Variants in GPR179 observed in about 807,000 individuals in gnomAD.
The protein encoded by GPR179 is probable G protein-coupled receptor 179.
A neutral mutation model predicts 70.8 loss-of-function variants in GPR179; 52 were observed. The ratio of observed to expected loss-of-function variants is 0.73; its 90% CI spans 0.59 to 0.93. The LOEUF (loss-of-function observed/expected upper bound fraction) is 0.93. Among genes scored for constraint, GPR179 ranks in the 40% least tolerant of loss-of-function variants. The pLI is 0.00. For synonymous variants in GPR179, 1,123 were observed against 1,169.0 expected (o/e 0.96, Z 0.80); for missense variants, 2,734 against 2,966.8 (o/e 0.92, Z 1.82).
chr17:38,335,095 G>T lies in GPR179; in HGVS notation c.1583C>A (p.Thr528Asn), dbSNP rs771909578. The change falls in exon 7 of 11, where the codon ACT (threonine) becomes AAT (asparagine). Residue 528 changes from threonine to asparagine, a missense_variant. By Grantham distance (65) the Thr-to-Asn change is moderately conservative (BLOSUM62 0). Coordinates refer to ENST00000616987, the MANE Select transcript of GPR179 (RefSeq NM_001004334.4). ...GAGGTAGAAATGGCGGCCACTGGGA[G>T]TGTGGCCTCGGATCACCAGAGGTGC... Reference protein sequence around the residue: ...QHAPLVIRGHTPSGRHFYLCH... With the variant: ...QHAPLVIRGHNPSGRHFYLCH... 1.1e-5 allele frequency: 17 copies of T among 1,612,822 alleles called. No homozygotes were observed. In the South Asian group the frequency reaches 1.2e-4, roughly 11 times the overall value.
chr17:38,333,158 A>T, intron 10 of GPR179, 93 bp downstream of exon 10: 1 of 1,130,136 alleles, frequency 8.8e-7, no homozygotes, highest in African/African-American at 1.5e-5. Context: ...GAGGACTTGC[A>T]GTGGCACATA....
rs376804518 is a variant in GPR179, at chr17:38,337,105, A to G, written c.1100T>C (p.Met367Thr). The G allele has an allele frequency of 3.8e-5, 61 of 1,611,584 alleles. 1 individual carries two copies. Among genetic ancestry groups the G allele is most frequent in the Middle Eastern group, 1.6e-4 (1 of 6,074 alleles). ...TTCCACCAGGCACGGTGTGGCATCC[A>G]TGCAGCTGGTGCAGCCCTCAGGACA... ...LPCPEGCTSCMDATPCLVEEA... is the reference protein window; with the variant it reads ...LPCPEGCTSCTDATPCLVEEA... Residue 367 changes from methionine to threonine, a missense_variant, in exon 4 of 11, where the codon ATG (methionine) becomes ACG (threonine). By Grantham distance (81) the Met-to-Thr change is moderately conservative. Transcript: ENST00000616987.
rs368426715 is a variant in GPR179 at position 38,326,534 on chromosome 17, G to A, written c.7035C>T (p.Gly2345=). 1.1e-4 allele frequency: 183 copies of A among 1,614,000 alleles called. No individual in the cohort carries two copies. The highest frequency in any genetic ancestry group is 3.7e-4 in the Admixed American group (22 of 59,992). The change falls in exon 11 of 11, where the codon GGC becomes GGT. Residue 2345 remains glycine, a synonymous_variant. Coordinates refer to ENST00000616987, the MANE Select transcript of GPR179 (RefSeq NM_001004334.4). ...SQSSSLTEDS[G]QVAFEAQYEE... ...CATACTGAGCTTCAAAAGCCACTTG[G>A]CCTGAGTCTTCAGTTAAGGACGAAG...
intron 1 of GPR179, among the ~76,000 whole-genome samples, chr17:38,339,849 C>T (rs2037435532): frequency 6.6e-6 from 1 of 152,210 alleles, no homozygotes; most frequent in African/African-American, 2.4e-5. Flanking sequence ...TCTCATCTTC[C>T]CCTGCCTTTC....
In GPR179 at chr17:38,330,313, T is replaced by A. The variant is rs371537306; in HGVS notation, c.3256A>T (p.Ser1086Cys). Residue 1086 changes from serine (S) to cysteine (C), a missense_variant, in exon 11 of 11, where the codon AGC (serine) becomes TGC (cysteine). Physicochemically the swap from Ser to Cys is moderately radical, Grantham distance 112. Transcript: ENST00000616987. The part of the protein sequence containing the change: ...KAPVQQGSMR[S>C]LGLAIKALTR... ...AGAGCTTTAATCGCCAGCCCCAGGC[T>A]GCGCATGGAACCCTGCTGAACAGGG... 6.2e-7 allele frequency: 1 copy of A among 1,613,360 alleles called. No homozygotes were observed. Among genetic ancestry groups the A allele is most frequent in the Middle Eastern group, 1.6e-4 (1 of 6,062 alleles).
intron 2 of GPR179, 83 bp from the exon 3 acceptor site, chr17:38,337,803 A>C (rs1166237749): frequency 1.7e-6 from 2 of 1,180,682 alleles, no homozygotes; most frequent in Non-Finnish European, 1.2e-6. Context: ...TGGAGGGTCC[A>C]TCTACCTCCC....
rs373731064 is a variant in GPR179, at chr17:38,336,942, C to T, written c.1227+36G>A. The T allele has an allele frequency of 6.0e-5, 93 of 1,543,984 alleles. No individual in the cohort carries two copies. The Middle Eastern group carries it at 8.6e-4, about 14-fold the overall frequency. ...TCTCAGGCCTCCAGTTGAGATGGGT[C>T]GGACATGTGTGTAGGAGGTGTGGGG... On this transcript the variant is annotated intron_variant, in intron 4 of 10. Coordinates refer to ENST00000616987, the MANE Select transcript of GPR179 (RefSeq NM_001004334.4).
chr17:38,326,508 T>C lies in GPR179; in HGVS notation c.7061A>G (p.Glu2354Gly). 1 of 1,613,608 alleles carries C rather than the reference T, an allele frequency of 6.2e-7. No homozygotes were observed. The highest frequency in any genetic ancestry group is 8.5e-7 in the Non-Finnish European group (1 of 1,179,576). Residue 2354 changes from glutamate to glycine, a missense_variant, in exon 11 of 11, where the codon GAA becomes GGA. Coordinates refer to ENST00000616987, the MANE Select transcript of GPR179 (RefSeq NM_001004334.4). The part of the protein sequence containing the change: ...SGQVAFEAQY[E>G]EFTPPTVYPW... ...ATAGACAGTGGGAGGGGTGAATTCT[T>C]CATACTGAGCTTCAAAAGCCACTTG...
In GPR179 at chr17:38,337,636, C is replaced by A. The variant is rs377272094; in HGVS notation, c.988G>T (p.Gly330Trp). The A allele has an allele frequency of 1.9e-6, 3 of 1,608,450 alleles. No homozygotes were observed. Among genetic ancestry groups the A allele is most frequent in the African/African-American group, 1.3e-5 (1 of 74,626 alleles). The change falls in exon 3 of 11, where the codon GGG (glycine) becomes TGG (tryptophan). Residue 330 changes from glycine to tryptophan, a missense_variant. Coordinates refer to ENST00000616987, the MANE Select transcript of GPR179 (RefSeq NM_001004334.4). ...RPGFYGASPS[G>W]GLEESDFQTT... ...GGCCCCCACCACACTTACATACCCCCAGAGGGGCTTGCCCCGTAGAATCCA... is the reference window on the plus strand; with the variant it reads ...GGCCCCCACCACACTTACATACCCCAAGAGGGGCTTGCCCCGTAGAATCCA...
Position 38,330,310 on chromosome 17 carries a change from G to T in GPR179, c.3259C>A (p.Leu1087Met), listed in dbSNP as rs369154799. 43 of 1,613,188 alleles carry T rather than the reference G, an allele frequency of 2.7e-5. No homozygotes were observed. The highest frequency in any genetic ancestry group is 3.6e-5 in the Non-Finnish European group (42 of 1,179,554). ...APVQQGSMRSLGLAIKALTRS... is the reference protein window; with the variant it reads ...APVQQGSMRSMGLAIKALTRS... ...GTCAGAGCTTTAATCGCCAGCCCCA[G>T]GCTGCGCATGGAACCCTGCTGAACA... Residue 1087 changes from leucine (L) to methionine (M), a missense_variant, in exon 11 of 11, where the codon CTG becomes ATG. Coordinates refer to ENST00000616987, the MANE Select transcript of GPR179 (RefSeq NM_001004334.4).
chr17:38,337,423 C>G (rs548224469), intron 3 of GPR179, among the ~76,000 whole-genome samples: 13 of 152,276 alleles, frequency 8.5e-5, no homozygotes, highest in African/African-American at 3.1e-4. Flanking sequence ...CAACTTGCAT[C>G]ATATTTGCAT....
rs1241272883 is a variant in GPR179 at position 38,329,853 on chromosome 17, C to A, written c.3716G>T (p.Arg1239Met). 1 of 1,614,122 alleles carries A rather than the reference C, an allele frequency of 6.2e-7. No homozygotes were observed. The highest frequency in any genetic ancestry group is 1.7e-5 in the Admixed American group (1 of 60,028). ...CTCCCAGGGGCATACCTCTGCCACC[C>A]TGTGGTCAGCGCTGCCCAGGGACTG... ...GLQSLGSADH[R>M]VAEVCPWEVT... is the part of the protein sequence containing the mutation. The change falls in exon 11 of 11, where the codon AGG becomes ATG. Residue 1239 changes from arginine to methionine, a missense_variant. Arg to Met is a moderately conservative substitution (Grantham distance 91). Coordinates refer to ENST00000616987, the MANE Select transcript of GPR179 (RefSeq NM_001004334.4).
chr17:38,342,891 G>C, intron 1 of GPR179, 105 bp downstream of exon 1: 1 of 1,081,006 alleles, frequency 9.3e-7, no homozygotes, highest in East Asian at 2.4e-5. Context: ...TGCCCCCCAG[G>C]CATGCACATG....
Position 38,330,726 on chromosome 17 carries a change from A to G in GPR179, c.2843T>C (p.Leu948Pro), listed in dbSNP as rs2037347826. 6.3e-7 allele frequency: 1 copy of G among 1,589,650 alleles called. No individual in the cohort carries two copies. The part of the protein sequence containing the change: ...STPILALSGG[L>P]GEPRMLSPTS... The stretch of plus-strand genomic sequence containing the variant: ...GGGAGATAGCATCCTTGGCTCTCCC[A>G]GGCCCCCAGACAGGGCCAAGATGGG... The change falls in exon 11 of 11, where the codon CTG (leucine) becomes CCG (proline). Residue 948 changes from leucine to proline, a missense_variant. Transcript: ENST00000616987.
In GPR179 at chr17:38,326,749, G is replaced by A. The variant is rs773338428; in HGVS notation, c.6820C>T (p.Pro2274Ser). ...GGCCCATGGACTAAAAGGCATAGTG[G>A]TTTTTCAGGAGCTGTGGGGAAAAAT... ...REFFPTAPEK[P>S]LCLLVHGPLD... Residue 2274 changes from proline to serine, a missense_variant, in exon 11 of 11, where the codon CCA (proline) becomes TCA (serine). Transcript: ENST00000616987. The A allele has an allele frequency of 6.2e-7, 1 of 1,614,234 alleles. No individual in the cohort carries two copies. Among genetic ancestry groups the A allele is most frequent in the Admixed American group, 1.7e-5 (1 of 60,028 alleles).
In GPR179 at chr17:38,343,117, G is replaced by A. The variant is rs747682469; in HGVS notation, c.673C>T (p.Gln225Ter). The part of the protein sequence containing the change: ...PQADGYVGDT[Q>*]QVRLSPPFLE... Reference sequence around the variant, plus strand: ...AAAGGAGGAGACAGCCTCACCTGCTGCGTGTCCCCCACATATCCATCTGCC... The same window carrying A: ...AAAGGAGGAGACAGCCTCACCTGCTACGTGTCCCCCACATATCCATCTGCC... Residue 225 changes from glutamine (Q) to a stop codon, truncating the protein, a stop_gained, in exon 1 of 11, where the codon CAG (glutamine) becomes TAG (stop). Transcript: ENST00000616987. LOFTEE classifies it high-confidence loss of function. The surrounding 1 kb of genome is among the most constrained non-coding windows in gnomAD (Gnocchi z 4.2). The A allele has an allele frequency of 4.0e-5, 65 of 1,614,188 alleles. No individual in the cohort carries two copies. Among genetic ancestry groups the A allele is most frequent in the Non-Finnish European group, 5.3e-5 (63 of 1,180,024 alleles).
In GPR179 at chr17:38,333,235, G is replaced by T; in HGVS notation, c.2037+16C>A. On this transcript the variant is annotated intron_variant, in intron 10 of 10. Transcript: ENST00000616987. ...AAAAGCTAGCATTGAAAGGAGGCAGGGAGGGTGGCACATACCCGAATGTCT... is the reference window on the plus strand; with the variant it reads ...AAAAGCTAGCATTGAAAGGAGGCAGTGAGGGTGGCACATACCCGAATGTCT... 6 of 1,611,404 alleles carry T rather than the reference G, an allele frequency of 3.7e-6. No individual in the cohort carries two copies. Among genetic ancestry groups the T allele is most frequent in the Non-Finnish European group, 5.1e-6 (6 of 1,177,970 alleles).
At chr17:38,337,272 A>G in intron 3 of GPR179, 59 bp from the exon 4 acceptor site, 1 of 1,517,400 alleles carries the variant, frequency 6.6e-7, no homozygotes, top group Non-Finnish European at 8.9e-7. Context: ...CTGACATCCC[A>G]GCCTTTTCCC....
At position 38,330,875 on chromosome 17, in the gene GPR179, G is replaced by A; in HGVS notation, c.2694C>T (p.Pro898=). Residue 898 remains proline, a synonymous_variant, in exon 11 of 11, where the codon CCC becomes CCT. Transcript: ENST00000616987. ...ARRLERPRGA[P]LSAPPSPAKS... is the part of the protein sequence containing the mutation. Reference sequence around the variant, plus strand: ...TGGCAGGGGAAGGTGGAGCTGACAGGGGGGCCCCTCGAGGCCGCTCCAGCC... The same window carrying A: ...TGGCAGGGGAAGGTGGAGCTGACAGAGGGGCCCCTCGAGGCCGCTCCAGCC... 6.9e-6 allele frequency: 11 copies of A among 1,601,294 alleles called. No individual in the cohort carries two copies. The highest frequency in any genetic ancestry group is 9.4e-6 in the Non-Finnish European group (11 of 1,174,424).
Sources: gnomAD v4.1 joint callset for allele counts (sites outside exome capture counted in the v4.1 genomes callset) on GRCh38, gnomAD v4.1.1 for gene constraint, Gnocchi (gnomAD v3.1) non-coding constraint, MANE v1.5 for transcripts, NCBI Gene and HGNC (gene_info 2026-07-23, HGNC 2026-07-21) for gene names.